The following NQO2 variants were observed in gnomAD, a reference collection of about 807,000 sequenced individuals.
The protein encoded by NQO2 is ribosyldihydronicotinamide dehydrogenase [quinone].
Under a neutral mutation model 22.0 loss-of-function variants are expected in NQO2, and 18 were observed. That is an observed-to-expected ratio of 0.82 (90% CI 0.56 to 1.21). NQO2 has a LOEUF of 1.21. Among genes scored for constraint, NQO2 ranks in the 50% most tolerant of loss-of-function variants. The pLI is 0.00. For missense variants in NQO2, 267 were observed against 286.9 expected (o/e 0.93, Z 0.50); for synonymous variants, 106 against 110.8 (o/e 0.96, Z 0.28).
In NQO2 at chr6:3,006,081, G is replaced by C. The variant is rs1392297294; in HGVS notation, c.-85-387G>C. Among the ~76,000 whole-genome samples, 1 of 152,198 alleles carries C rather than the reference G, an allele frequency of 6.6e-6. No homozygotes were observed. Among genetic ancestry groups the C allele is most frequent in the Admixed American group, 6.5e-5 (1 of 15,274 alleles). On this transcript the variant is annotated intron_variant, in intron 1 of 6. Coordinates refer to ENST00000380455, the MANE Select transcript of NQO2 (RefSeq NM_000904.6). The surrounding 1 kb of genome is among the most constrained non-coding windows in gnomAD (Gnocchi z 4.0). Reference sequence around the variant, plus strand: ...CCCACCAGAGTCTGGCACCAGCCGAGGAGTGCACGCACCCATTGGTGGTGT... The same window carrying C: ...CCCACCAGAGTCTGGCACCAGCCGACGAGTGCACGCACCCATTGGTGGTGT...
intron 2 of NQO2, among the ~76,000 whole-genome samples, chr6:3,009,358 T>C (rs900200556): frequency 6.6e-6 from 1 of 152,208 alleles, no homozygotes; most frequent in African/African-American, 2.4e-5. Flanking sequence ...AACATTGCTG[T>C]TATCCTGTTC....
chr6:3,007,994 G>A (rs1409451371), intron 2 of NQO2, among the ~76,000 whole-genome samples: 1 of 152,222 alleles, frequency 6.6e-6, no homozygotes. Flanking sequence ...ATTAGGTTGG[G>A]CTTTTAAAAG....
intron 4 of NQO2, among the ~76,000 whole-genome samples, chr6:3,013,700 C>T (rs928587278): frequency 6.6e-6 from 1 of 152,182 alleles, no homozygotes; most frequent in Admixed American, 6.5e-5. Flanking sequence ...CATCAGGCCA[C>T]TTCCCGCCAC....
Position 3,010,167 on chromosome 6 carries a change from G to A in NQO2, c.150G>A (p.Arg50=), listed in dbSNP as rs754529199. The change falls in exon 3 of 7, where the codon AGG becomes AGA. Residue 50 remains arginine, a synonymous_variant. Coordinates refer to ENST00000380455, the MANE Select transcript of NQO2 (RefSeq NM_000904.6). ...TGTATGCCATGAACCTTGAGCCGAG[G>A]GCCACAGACAAAGATATCACTGGTG... ...SDLYAMNLEP[R]ATDKDITGTL... 1.9e-6 allele frequency: 3 copies of A among 1,611,644 alleles called. No individual in the cohort carries two copies. The highest frequency in any genetic ancestry group is 2.5e-6 in the Non-Finnish European group (3 of 1,178,894).
intron 5 of NQO2, 27 bp from the exon 6 acceptor site, chr6:3,016,857 C>T (rs187356300): frequency 6.2e-7 from 1 of 1,611,418 alleles, no homozygotes; most frequent in African/African-American, 1.3e-5. Flanking sequence ...GGAGTCCACA[C>T]AAATGCATCT....
chr6:3,019,498 G>A lies in NQO2; in HGVS notation c.539G>A (p.Cys180Tyr). The part of the protein sequence containing the change: ...WPLQHGTLHF[C>Y]GFKVLAPQIS... ...CTTTAGCATGGCACATTACACTTCT[G>A]TGGATTTAAAGTCCTTGCCCCTCAG... is the stretch of plus-strand genomic sequence containing the variant. Residue 180 changes from cysteine to tyrosine, a missense_variant, in exon 7 of 7, where the codon TGT (cysteine) becomes TAT (tyrosine). Transcript: ENST00000380455. The A allele has an allele frequency of 6.2e-7, 1 of 1,613,946 alleles. No homozygotes were observed. Among genetic ancestry groups the A allele is most frequent in the Non-Finnish European group, 8.5e-7 (1 of 1,179,924 alleles).
rs928217712 is a variant in NQO2 at position 3,012,583 on chromosome 6, A to G, written c.212A>G (p.Glu71Gly). 1.9e-6 allele frequency: 3 copies of G among 1,614,164 alleles called. No individual in the cohort carries two copies. Among genetic ancestry groups the G allele is most frequent in the Admixed American group, 1.7e-5 (1 of 60,014 alleles). Residue 71 changes from glutamate to glycine, a missense_variant, in exon 4 of 7, where the codon GAA (glutamate) becomes GGA (glycine). Physicochemically the swap from Glu to Gly is moderately conservative, Grantham distance 98. Transcript: ENST00000380455. ...SNPEVFNYGV[E>G]THEAYKQRSL... ...CCTGAGGTTTTCAATTATGGAGTGG[A>G]AACCCACGAAGCCTACAAGCAAAGG...
rs779395232 is a variant in NQO2 at position 3,012,497 on chromosome 6, G to C, written c.173-47G>C. ...GCTACTGGGATGGTTGGGATGGGCT[G>C]TGGATGCCCACCTAGGAGTGAGAAT... On this transcript the variant is annotated intron_variant, in intron 3 of 6. Transcript: ENST00000380455. The C allele has an allele frequency of 1.5e-5, 24 of 1,610,508 alleles. No homozygotes were observed. The Admixed American group carries it at 3.7e-4, about 25-fold the overall frequency.
chr6:3,006,446 C>T lies in NQO2; in HGVS notation c.-85-22C>T. 2 of 1,589,908 alleles carry T rather than the reference C, an allele frequency of 1.3e-6. No individual in the cohort carries two copies. The highest frequency in any genetic ancestry group is 1.7e-4 in the Middle Eastern group (1 of 5,988). ...TCACCTATGCCTCTCCCCACCCCCT[C>T]TGGGTTCGTTTTGTCTTCCAGATTG... On this transcript the variant is annotated intron_variant, in intron 1 of 6. Coordinates refer to ENST00000380455, the MANE Select transcript of NQO2 (RefSeq NM_000904.6). This position sits in a 1 kb window ranked among gnomAD's most constrained non-coding sequence, Gnocchi z 4.0.
intron 5 of NQO2, among the ~76,000 whole-genome samples, 162 bp downstream of exon 5, chr6:3,015,805 A>G (rs1187006041): frequency 6.6e-6 from 1 of 152,244 alleles, no homozygotes; most frequent in East Asian, 1.9e-4. Flanking sequence ...GGGTGGACAC[A>G]GCATCGTTTC....
intron 5 of NQO2, 83 bp from the exon 6 acceptor site, chr6:3,016,801 G>A: frequency 6.4e-7 from 1 of 1,561,482 alleles, no homozygotes. Flanking sequence ...TGCTGGCTGT[G>A]CTGAGCCCGT....
intron 2 of NQO2, among the ~76,000 whole-genome samples, chr6:3,009,067 A>G (rs1052692609): frequency 6.6e-6 from 1 of 152,208 alleles, no homozygotes; most frequent in African/African-American, 2.4e-5. Context: ...ACCAAAATTT[A>G]TTAGGCAGGA....
At chr6:3,002,395 A>G (rs1275169015) in intron 1 of NQO2, 1 of 212,308 alleles carries the variant, frequency 4.7e-6, no homozygotes, top group Non-Finnish European at 8.1e-6. Context: ...TGCAACCTCC[A>G]CCTCCCAGGT....
At chr6:3,011,315 T>C (rs1407293091) in intron 3 of NQO2, among the ~76,000 whole-genome samples, 2 of 152,170 alleles carry the variant, frequency 1.3e-5, no homozygotes, top group Admixed American at 1.3e-4. Flanking sequence ...ATACATTTGC[T>C]GAAAAATTCA....
chr6:3,002,322 T>G (rs985369956), intron 1 of NQO2: 14 of 829,766 alleles, frequency 1.7e-5, no homozygotes, highest in Non-Finnish European at 2.0e-5. Context: ...TTCTTTTTCT[T>G]TTTTGAGACA....
chr6:3,013,081 G>T lies in NQO2; in HGVS notation c.303+407G>T, dbSNP rs367916718. ...CGCCATTCTCCCGCCTCAGCCTCCC[G>T]AGTAGCTGGGACTACAGGCGCCCGC... On this transcript the variant is annotated intron_variant, in intron 4 of 6. Transcript: ENST00000380455. Among the ~76,000 whole-genome samples the T allele has an allele frequency of 6.7e-4, 98 of 146,946 alleles. 3 individuals are homozygous for T. The East Asian group carries it at 0.019, about 29-fold the overall frequency.
At chr6:3,007,008 T>C (rs1292358535) in intron 2 of NQO2, 1 of 398,558 alleles carries the variant, frequency 2.5e-6, no homozygotes, top group Non-Finnish European at 4.4e-6. Context: ...ACATGCAATC[T>C]CTCAACTTTT....
At chr6:3,014,895 G>A (rs765240401) in intron 4 of NQO2, among the ~76,000 whole-genome samples, 25 of 152,334 alleles carry the variant, frequency 1.6e-4, no homozygotes, top group Middle Eastern at 3.4e-3. Context: ...GCAGCAGGTC[G>A]TGGAGCTTGG....
intron 2 of NQO2, among the ~76,000 whole-genome samples, chr6:3,009,713 C>G (rs775309193): frequency 2.6e-5 from 4 of 152,166 alleles, no homozygotes; most frequent in African/African-American, 9.7e-5. Flanking sequence ...TTGCTCCATT[C>G]GGGGTCCCTG....
Sources: gnomAD v4.1 joint callset for allele counts (sites outside exome capture counted in the v4.1 genomes callset) on GRCh38, gnomAD v4.1.1 for gene constraint, Gnocchi (gnomAD v3.1) non-coding constraint, MANE v1.5 for transcripts, NCBI Gene and HGNC (gene_info 2026-07-23, HGNC 2026-07-21) for gene names.